PLEKHA1: variants seen among roughly 807,000 people sequenced by gnomAD.
PLEKHA1 encodes pleckstrin homology domain-containing family A member 1.
A neutral mutation model predicts 52.0 loss-of-function variants in PLEKHA1; 34 were observed. The ratio of observed to expected loss-of-function variants is 0.65; its 90% CI spans 0.50 to 0.87. The LOEUF is 0.87. Ranked by LOEUF, PLEKHA1 falls within the 40% of genes least tolerant of loss-of-function variation. The pLI, the probability that PLEKHA1 is intolerant of heterozygous loss-of-function variation, is 0.00. For synonymous variants in PLEKHA1, 163 were observed against 170.7 expected (o/e 0.95, Z 0.35); for missense variants, 497 against 504.2 (o/e 0.99, Z 0.14).
At chr10:122,399,627 G>A (rs545121627) in intron 3 of PLEKHA1, among the ~76,000 whole-genome samples, 7 of 152,002 alleles carry the variant, frequency 4.6e-5, no homozygotes, top group African/African-American at 1.7e-4. Flanking sequence ...CTGTCTCCCA[G>A]GCTGGAGTGC....
chr10:122,393,276 C>T lies in PLEKHA1; in HGVS notation c.76C>T (p.Leu26Phe), dbSNP rs1030154516. ...AGAAAATGAAAACAGTGGGAAATTT[C>T]TTCGAAGGTACTTCATACTGGATAC... is the stretch of plus-strand genomic sequence containing the variant. Reference protein sequence around the residue: ...IEENENSGKFLRRYFILDTRE... With the variant: ...IEENENSGKFFRRYFILDTRE... Residue 26 changes from leucine to phenylalanine, a missense_variant, in exon 2 of 12, where the codon CTT (leucine) becomes TTT (phenylalanine). Leu to Phe is a conservative substitution (Grantham distance 22, BLOSUM62 0). Transcript: ENST00000368990. The surrounding 1 kb of genome is among the most constrained non-coding windows in gnomAD (Gnocchi z 4.5). 1.2e-6 allele frequency: 2 copies of T among 1,612,890 alleles called. No individual in the cohort carries two copies. The highest frequency in any genetic ancestry group is 1.7e-5 in the Admixed American group (1 of 59,868).
chr10:122,381,821 C>A (rs1262305305), intron 1 of PLEKHA1, among the ~76,000 whole-genome samples: 1 of 152,152 alleles, frequency 6.6e-6, no homozygotes, highest in African/African-American at 2.4e-5. Flanking sequence ...AGGGGAATAT[C>A]TGGAGCTCAG....
At chr10:122,424,852 AAAC>A in intron 9 of PLEKHA1, 41 bp from the exon 10 acceptor site, 1 of 1,526,994 alleles carries the variant, frequency 6.5e-7, no homozygotes, top group Admixed American at 1.7e-5. Flanking sequence ...AGAGAAACTC[AAAC>A]AACTGCTATT....
intron 5 of PLEKHA1, among the ~76,000 whole-genome samples, chr10:122,409,661 T>C (rs530740337): frequency 6.6e-6 from 1 of 152,310 alleles, no homozygotes; most frequent in Non-Finnish European, 1.5e-5. Flanking sequence ...ATATTTTTAA[T>C]AGAAACTGGA....
At chr10:122,413,562 A>AT (rs2097135178) in intron 6 of PLEKHA1, among the ~76,000 whole-genome samples, 2 of 152,172 alleles carry the variant, frequency 1.3e-5, no homozygotes, top group South Asian at 4.1e-4. Context: ...TTTAAAATCT[A>AT]TTTTTTCTAC....
intron 3 of PLEKHA1, among the ~76,000 whole-genome samples, chr10:122,398,593 TTGTGTGTGTG>T (rs10653605): frequency 1.4e-5 from 2 of 147,518 alleles, no homozygotes; most frequent in African/African-American, 5.0e-5. Context: ...CCCTATGGGT[TTGTGTGTGTG>T]TGTGTGTGTG....
downstream of PLEKHA1, chr10:122,434,173 T>C (rs1269238934): frequency 6.6e-6 from 1 of 152,240 alleles, no homozygotes; most frequent in South Asian, 2.1e-4. Context: ...ACTGCTGCTA[T>C]GGTCTTGTTG....
At chr10:122,436,992 C>T (rs1383616913), downstream of PLEKHA1, 1 of 62,576 alleles carries the variant, frequency 1.6e-5, no homozygotes, top group African/African-American at 8.3e-5. Context: ...CTTACATCAG[C>T]CTTTTTTTTT....
chr10:122,434,344 A>G (rs2097430311), downstream of PLEKHA1: 3 of 152,220 alleles, frequency 2.0e-5, no homozygotes, highest in Admixed American at 6.5e-5. Context: ...GCCTTTTGTA[A>G]TAAAAGTTTC....
At chr10:122,381,847 A>G (rs2096619461) in intron 1 of PLEKHA1, among the ~76,000 whole-genome samples, 1 of 152,168 alleles carries the variant, frequency 6.6e-6, no homozygotes, top group Admixed American at 6.5e-5. Context: ...TAAGTTTGAG[A>G]TAGCTTGTTA....
intron 1 of PLEKHA1, among the ~76,000 whole-genome samples, chr10:122,379,780 A>G (rs2096589812): frequency 6.6e-6 from 1 of 152,238 alleles, no homozygotes; most frequent in Non-Finnish European, 1.5e-5. Flanking sequence ...TTTAACAAAT[A>G]ATAGTGAAGT....
At chr10:122,377,498 T>A (rs890538854) in intron 1 of PLEKHA1, among the ~76,000 whole-genome samples, 10 of 152,316 alleles carry the variant, frequency 6.6e-5, no homozygotes, top group African/African-American at 2.2e-4. Context: ...CATTTGTGAG[T>A]ACACATCCAG....
chr10:122,393,927 A>G lies in PLEKHA1; in HGVS notation c.141+586A>G, dbSNP rs2096810279. The stretch of plus-strand genomic sequence containing the variant: ...GTCAGTCATTGTAATGCCATCCATG[A>G]ACTGAAATGCAGTTTGATTTTATTG... On this transcript the variant is annotated intron_variant, in intron 2 of 11. Coordinates refer to ENST00000368990, the MANE Select transcript of PLEKHA1 (RefSeq NM_001001974.4). This position sits in a 1 kb window ranked among gnomAD's most constrained non-coding sequence, Gnocchi z 4.5. Among the ~76,000 whole-genome samples, 2 of 152,154 alleles carry G rather than the reference A, an allele frequency of 1.3e-5. No individual in the cohort carries two copies. Among genetic ancestry groups the G allele is most frequent in the African/African-American group, 4.8e-5 (2 of 41,434 alleles).
intron 11 of PLEKHA1, among the ~76,000 whole-genome samples, chr10:122,427,709 A>G (rs1590959862): frequency 6.6e-6 from 1 of 152,212 alleles, no homozygotes. Flanking sequence ...GTTCAAGTAC[A>G]TAAGAATTAG....
In PLEKHA1 at chr10:122,393,508, G is replaced by A. The variant is rs2096803441; in HGVS notation, c.141+167G>A. On this transcript the variant is annotated intron_variant, in intron 2 of 11. Transcript: ENST00000368990. The surrounding 1 kb of genome is among the most constrained non-coding windows in gnomAD (Gnocchi z 4.5). Reference sequence around the variant, plus strand: ...ACCCCTGACCTCTACTGTTTTGTTTGAATTTCAGAAGGTGAAACTAAGTTT... The same window carrying A: ...ACCCCTGACCTCTACTGTTTTGTTTAAATTTCAGAAGGTGAAACTAAGTTT... Among the ~76,000 whole-genome samples the A allele has an allele frequency of 6.6e-6, 1 of 152,064 alleles. No individual in the cohort carries two copies. The highest frequency in any genetic ancestry group is 1.5e-5 in the Non-Finnish European group (1 of 67,996).
intron 1 of PLEKHA1, among the ~76,000 whole-genome samples, chr10:122,379,092 C>G (rs1385445461): frequency 6.6e-6 from 1 of 152,194 alleles, no homozygotes; most frequent in East Asian, 1.9e-4. Flanking sequence ...TGAGATCTTG[C>G]AGGGAGACTC....
chr10:122,397,695 A>G (rs533309520), intron 2 of PLEKHA1, among the ~76,000 whole-genome samples: 6 of 152,216 alleles, frequency 3.9e-5, no homozygotes, highest in African/African-American at 1.2e-4. Context: ...CCTTTTAGTC[A>G]TAGAATGCAT....
chr10:122,422,599 T>C (rs576511552), intron 8 of PLEKHA1: 38 of 152,336 alleles, frequency 2.5e-4, no homozygotes, highest in African/African-American at 9.1e-4. Context: ...CTGCACTTCT[T>C]TAAACTCTGA....
intron 10 of PLEKHA1, chr10:122,425,524 G>C (rs2097326106): frequency 6.6e-6 from 1 of 152,220 alleles, no homozygotes; most frequent in Admixed American, 6.6e-5. Flanking sequence ...TTCGAGACCA[G>C]CCTGGGCAAC....
Sources: gnomAD v4.1 joint callset for allele counts (sites outside exome capture counted in the v4.1 genomes callset) on GRCh38, gnomAD v4.1.1 for gene constraint, Gnocchi (gnomAD v3.1) non-coding constraint, MANE v1.5 for transcripts, NCBI Gene and HGNC (gene_info 2026-07-23, HGNC 2026-07-21) for gene names.